Variants in AXIN1 observed in about 807,000 individuals in gnomAD.
AXIN1 encodes axin 1.
A neutral mutation model predicts 76.4 loss-of-function variants in AXIN1; 30 were observed. That is an observed-to-expected ratio of 0.39 (90% CI 0.29 to 0.53). The LOEUF is 0.53. Ranked by LOEUF, AXIN1 falls within the 20% of genes least tolerant of loss-of-function variation. The pLI, the probability that AXIN1 is intolerant of heterozygous loss-of-function variation, is 0.66. For missense variants in AXIN1, 1,140 were observed against 1,198.8 expected (o/e 0.95, Z 0.72); for synonymous variants, 545 against 501.4 (o/e 1.09, Z -1.16).
chr16:346,916 G>C lies in AXIN1; in HGVS notation c.110C>G (p.Pro37Arg), dbSNP rs201808684. 6.2e-7 allele frequency: 1 copy of C among 1,614,010 alleles called. No homozygotes were observed. The highest frequency in any genetic ancestry group is 8.5e-7 in the Non-Finnish European group (1 of 1,179,848). ...GCAGAAACTGTAGCTGGCGGGCCTC[G>C]GGTCTGTGGACACCAGTTCTCCCTC... ...GEEGELVSTD[P>R]RPASYSFCSG... The change falls in exon 2 of 11, where the codon CCG (proline) becomes CGG (arginine). Residue 37 changes from proline to arginine, a missense_variant. Around this residue, in one of 3 missense-constraint regions of AXIN1, gnomAD observed 708 missense variants for 776.9 expected, o/e 0.91. Transcript: ENST00000262320.
At chr16:351,135 A>G (rs2054134444) in intron 1 of AXIN1, among the ~76,000 whole-genome samples, 1 of 151,718 alleles carries the variant, frequency 6.6e-6, no homozygotes, top group South Asian at 2.1e-4. Context: ...TCTGTCTCAA[A>G]AAAAAAAAAA....
intron 2 of AXIN1, among the ~76,000 whole-genome samples, chr16:323,952 C>G (rs557698237): frequency 6.6e-6 from 1 of 152,180 alleles, no homozygotes; most frequent in Non-Finnish European, 1.5e-5. Context: ...GAGCAACCCA[C>G]CCTGGAGACA....
chr16:329,144 G>A (rs2053638919), intron 2 of AXIN1, among the ~76,000 whole-genome samples: 1 of 151,890 alleles, frequency 6.6e-6, no homozygotes, highest in Admixed American at 6.6e-5. Context: ...CAGGCGTGGT[G>A]GTGTGCACCT....
At position 291,481 on chromosome 16, in the gene AXIN1, G is replaced by A. The variant is rs2052559848; in HGVS notation, c.2187-184C>T. ...GTCCCCTCCTAGGCCTGCCTTGGTG[G>A]TACCCGATACTGCAGCGCGCCCCAC... is the stretch of plus-strand genomic sequence containing the variant. On this transcript the variant is annotated intron_variant, in intron 8 of 10. Transcript: ENST00000262320. 6.2e-6 allele frequency: 4 copies of A among 645,896 alleles called. No individual in the cohort carries two copies. In the Admixed American group the frequency reaches 6.5e-5, roughly 11 times the overall value. The allele number at this position is 645,896 out of a possible 1,614,324, so 40.0% of individuals were successfully genotyped here. A position where few individuals can be genotyped will look rare whatever the true frequency, so the allele number is the denominator to read the frequency against.
intron 2 of AXIN1, among the ~76,000 whole-genome samples, chr16:320,743 A>ATTT (rs71299927): frequency 0.063 from 6,778 of 107,408 alleles, 330 homozygotes; most frequent in East Asian, 0.081. Context: ...ATATATATAT[A>ATTT]TTTTTTTTTT....
intron 4 of AXIN1, among the ~76,000 whole-genome samples, chr16:306,160 C>A (rs2053019312): frequency 6.6e-6 from 1 of 151,598 alleles, no homozygotes; most frequent in African/African-American, 2.4e-5. Flanking sequence ...CACACACCCA[C>A]ACACACGTAC....
rs149246485 is a variant in AXIN1, at chr16:306,746, G to A, written c.1117-2305C>T. On this transcript the variant is annotated intron_variant, in intron 4 of 10. Coordinates refer to ENST00000262320, the MANE Select transcript of AXIN1 (RefSeq NM_003502.4). ...GCCAAGGGCACGCCCAGGACACTGG[G>A]TGATGCCTCAGAGCTGGGAAAAGTC... is the stretch of plus-strand genomic sequence containing the variant. Among the ~76,000 whole-genome samples the A allele has an allele frequency of 1.4e-3, 208 of 152,362 alleles. 1 individual carries two copies. The highest frequency in any genetic ancestry group is 3.4e-3 in the Middle Eastern group (1 of 294).
intron 9 of AXIN1, 36 bp from the exon 10 acceptor site, chr16:289,643 G>T (rs1596964465): frequency 6.2e-7 from 1 of 1,610,588 alleles, no homozygotes; most frequent in South Asian, 1.1e-5. Context: ...ACCTGGTTTT[G>T]GACTGAGGTC....
At chr16:327,715 C>A (rs1052669056) in intron 2 of AXIN1, among the ~76,000 whole-genome samples, 2 of 152,248 alleles carry the variant, frequency 1.3e-5, no homozygotes, top group Non-Finnish European at 2.9e-5. Context: ...GGCTACTGAC[C>A]ACAGGCAGTC....
chr16:319,728 G>A (rs2053396822), intron 2 of AXIN1, among the ~76,000 whole-genome samples: 1 of 152,100 alleles, frequency 6.6e-6, no homozygotes, highest in African/African-American at 2.4e-5. Context: ...TGGTCACTGT[G>A]GTACTTTCAT....
intron 2 of AXIN1, among the ~76,000 whole-genome samples, chr16:341,921 T>C (rs533734261): frequency 6.6e-6 from 1 of 152,340 alleles, no homozygotes; most frequent in East Asian, 1.9e-4. Flanking sequence ...ATCTAGCTAA[T>C]CTGGTGAGGA....
intron 2 of AXIN1, among the ~76,000 whole-genome samples, chr16:315,386 T>C (rs1184850387): frequency 6.6e-6 from 1 of 152,268 alleles, no homozygotes; most frequent in African/African-American, 2.4e-5. Flanking sequence ...GGGTGGATTA[T>C]GAGTTTCTTG....
chr16:287,905 G>A lies in AXIN1; in HGVS notation c.*217C>T. ...CTGGGCCCTCCAAGTATTGCTATGA[G>A]GAGTGGTCCAGGCTGCCTCCTTGGG... is the stretch of plus-strand genomic sequence containing the variant. On this transcript the variant is annotated 3_prime_UTR_variant, in exon 11 of 11. Coordinates refer to ENST00000262320, the MANE Select transcript of AXIN1 (RefSeq NM_003502.4). 1 of 701,984 alleles carries A rather than the reference G, an allele frequency of 1.4e-6. No individual in the cohort carries two copies. Among genetic ancestry groups the A allele is most frequent in the Non-Finnish European group, 2.4e-6 (1 of 411,934 alleles). 43.5% of individuals were successfully genotyped at this position (701,984 alleles called of 1,614,324 possible).
chr16:344,303 G>A (rs1315704998), intron 2 of AXIN1, among the ~76,000 whole-genome samples: 4 of 151,202 alleles, frequency 2.6e-5, no homozygotes, highest in Non-Finnish European at 4.4e-5. Context: ...GGTGGCGGGC[G>A]CCTGTAGTCC....
chr16:319,899 G>C (rs766252471), intron 2 of AXIN1, among the ~76,000 whole-genome samples: 3 of 152,118 alleles, frequency 2.0e-5, no homozygotes, highest in Non-Finnish European at 2.9e-5. Flanking sequence ...GGATCGGGTT[G>C]GTTTATCACA....
chr16:311,368 TA>T (rs1374137268), intron 3 of AXIN1, among the ~76,000 whole-genome samples: 7 of 152,046 alleles, frequency 4.6e-5, no homozygotes, highest in Non-Finnish European at 1.0e-4. Context: ...AGAAGATCAT[TA>T]AAACACGAAA....
At chr16:328,450 C>A (rs532148732) in intron 2 of AXIN1, among the ~76,000 whole-genome samples, 1 of 152,024 alleles carries the variant, frequency 6.6e-6, no homozygotes, top group Non-Finnish European at 1.5e-5. Context: ...AATCCCAATA[C>A]TTTGGGAGGC....
Position 293,047 on chromosome 16 carries a change from C to T in AXIN1, c.2186+441G>A, listed in dbSNP as rs2052612719. 2 of 203,566 alleles carry T rather than the reference C, an allele frequency of 9.8e-6. No individual in the cohort carries two copies. Among genetic ancestry groups the T allele is most frequent in the Non-Finnish European group, 2.0e-5 (2 of 99,154 alleles). The allele number at this position is 203,566 out of a possible 1,614,324, so 12.6% of individuals were successfully genotyped here. A position where few individuals can be genotyped will look rare whatever the true frequency, so the allele number is the denominator to read the frequency against. On this transcript the variant is annotated intron_variant, in intron 8 of 10. Transcript: ENST00000262320. This position sits in a 1 kb window ranked among gnomAD's most constrained non-coding sequence, Gnocchi z 4.6. ...CTGCACGGCTTTCAGAACCACGTAGCTTTCCGACCGTGCAGAGCCACTCAG... is the reference window on the plus strand; with the variant it reads ...CTGCACGGCTTTCAGAACCACGTAGTTTTCCGACCGTGCAGAGCCACTCAG...
intron 1 of AXIN1, among the ~76,000 whole-genome samples, chr16:351,791 A>G (rs2054150568): frequency 6.6e-6 from 1 of 152,118 alleles, no homozygotes; most frequent in African/African-American, 2.4e-5. Context: ...AAAAATCCCC[A>G]GAGAACTGAC....
Sources: allele counts gnomAD v4.1 joint callset (sites outside exome capture counted in the v4.1 genomes callset), GRCh38; gene constraint gnomAD v4.1.1; regional missense constraint gnomAD v4.1.1; non-coding constraint Gnocchi (gnomAD v3.1); transcripts MANE v1.5; gene names NCBI Gene and HGNC (gene_info 2026-07-23, HGNC 2026-07-21).